Variants in AK1 observed in about 807,000 individuals in gnomAD.
AK1 encodes the protein adenylate kinase 1.
AK1 carries 13 observed loss-of-function variants against 23.9 expected under a neutral mutation model. The ratio of observed to expected loss-of-function variants is 0.54; its 90% CI spans 0.35 to 0.86. The LOEUF (loss-of-function observed/expected upper bound fraction) is 0.86. Ranked by LOEUF, AK1 falls within the 40% of genes least tolerant of loss-of-function variation. AK1 has a pLI of 0.01. For synonymous variants in AK1, 97 were observed against 102.8 expected, an observed-to-expected ratio of 0.94 and a Z score of 0.34; for missense variants, 214 against 255.1, an observed-to-expected ratio of 0.84 and a Z score of 1.10.
intron 5 of AK1, among the ~76,000 whole-genome samples, chr9:127,870,336 G>A (rs1829363404): frequency 6.6e-6 from 1 of 151,636 alleles, no homozygotes; most frequent in Non-Finnish European, 1.5e-5. Context: ...CTGAGTAGCT[G>A]GGATTACAGG....
In AK1 at chr9:127,868,107, C is replaced by T. The variant is rs374478683; in HGVS notation, c.517-31G>A. 2 of 1,612,204 alleles carry T rather than the reference C, an allele frequency of 1.2e-6. No individual in the cohort carries two copies. Among genetic ancestry groups the T allele is most frequent in the Non-Finnish European group, 1.7e-6 (2 of 1,178,370 alleles). On this transcript the variant is annotated intron_variant, in intron 6 of 6. Coordinates refer to ENST00000644144, the MANE Select transcript of AK1 (RefSeq NM_000476.3). This position sits in a 1 kb window ranked among gnomAD's most constrained non-coding sequence, Gnocchi z 4.1. The stretch of plus-strand genomic sequence containing the variant: ...GGGAGATGGGCCGTGAGGGCTGAGT[C>T]ACCAGGTGGAGTGGGGTGGGCCTCA...
At chr9:127,876,791 G>C (rs943882719) in intron 1 of AK1, among the ~76,000 whole-genome samples, 2 of 152,136 alleles carry the variant, frequency 1.3e-5, no homozygotes, top group Non-Finnish European at 2.9e-5. Flanking sequence ...GTTGGGTTAC[G>C]GGCTAAGCAC....
At position 127,867,953 on chromosome 9, in the gene AK1, C is replaced by T. The variant is rs907408724; in HGVS notation, c.*55G>A. On this transcript the variant is annotated 3_prime_UTR_variant, in exon 7 of 7. Transcript: ENST00000644144. ...CGCTGCGCTCAGGCCAGGAGGACCT[C>T]GAATCAGGACGGGGTGGGGCGGGGC... The T allele has an allele frequency of 6.3e-6, 10 of 1,579,102 alleles. No individual in the cohort carries two copies. The highest frequency in any genetic ancestry group is 8.7e-6 in the Non-Finnish European group (10 of 1,148,252).
At chr9:127,874,149 G>A in intron 2 of AK1, 2 of 985,440 alleles carry the variant, frequency 2.0e-6, no homozygotes, top group South Asian at 9.4e-5. Flanking sequence ...GCTGAGGGCG[G>A]GCCCGTTCTG....
intron 1 of AK1, chr9:127,874,914 G>T (rs996762518): frequency 4.1e-6 from 2 of 489,416 alleles, no homozygotes; most frequent in African/African-American, 3.9e-5. Flanking sequence ...CCATCCACCT[G>T]GGTTCCCGCT....
Position 127,877,205 on chromosome 9 carries a change from G to C in AK1, c.-33+418C>G, listed in dbSNP as rs1327452485. ...CAATGCACCCAGCACTAGAAGTGGA[G>C]TGACACGATAGCCCTACGGAGCACA... is the stretch of plus-strand genomic sequence containing the variant. On this transcript the variant is annotated intron_variant, in intron 1 of 6. Transcript: ENST00000644144. This position sits in a 1 kb window ranked among gnomAD's most constrained non-coding sequence, Gnocchi z 5.2. 2.6e-5 allele frequency among the ~76,000 whole-genome samples: 4 copies of C among 152,178 alleles called. No homozygotes were observed. The highest frequency in any genetic ancestry group is 9.7e-5 in the African/African-American group (4 of 41,440).
intron 2 of AK1, 166 bp downstream of exon 2, chr9:127,874,445 C>T (rs1829491419): frequency 1.2e-5 from 12 of 985,364 alleles, no homozygotes; most frequent in Non-Finnish European, 1.3e-5. Context: ...GCTGGCACAT[C>T]CCGTGAGAGG....
upstream of AK1, among the ~76,000 whole-genome samples, chr9:127,878,694 AGTGGTG>A (rs1829589555): frequency 6.6e-6 from 1 of 152,168 alleles, no homozygotes; most frequent in Admixed American, 6.5e-5. Context: ...GACCACCTTC[AGTGGTG>A]GTGCCTCAGC....
At chr9:127,873,117 G>A (rs1245299087) in intron 2 of AK1, 56 bp from the exon 3 acceptor site, 1 of 1,592,436 alleles carries the variant, frequency 6.3e-7, no homozygotes, top group Non-Finnish European at 8.5e-7. Context: ...CACAGCCAGA[G>A]GCACCTCTGG....
chr9:127,867,699 A>G lies in AK1; in HGVS notation c.*309T>C, dbSNP rs1382621033. 7 of 393,442 alleles carry G rather than the reference A, an allele frequency of 1.8e-5. No homozygotes were observed. The highest frequency in any genetic ancestry group is 2.9e-5 in the Non-Finnish European group (6 of 208,018). The allele number at this position is 393,442 out of a possible 1,614,324, so 24.4% of individuals were successfully genotyped here. A position where few individuals can be genotyped will look rare whatever the true frequency, so the allele number is the denominator to read the frequency against. On this transcript the variant is annotated 3_prime_UTR_variant, in exon 7 of 7. Coordinates refer to ENST00000644144, the MANE Select transcript of AK1 (RefSeq NM_000476.3). ...TGCGAGGAAGGGCCCCGGGCCTCCC[A>G]CCAGAGCTAGAGGAGGGGTGGCTGG...
intron 2 of AK1, chr9:127,873,408 T>C: frequency 6.3e-7 from 1 of 1,581,686 alleles, no homozygotes; most frequent in Non-Finnish European, 8.6e-7. Flanking sequence ...GGCTCTCAGA[T>C]CGTCTTCTCT....
chr9:127,875,269 A>AT (rs1829512241), intron 1 of AK1, among the ~76,000 whole-genome samples: 1 of 151,558 alleles, frequency 6.6e-6, no homozygotes, highest in African/African-American at 2.4e-5. Flanking sequence ...AGCCCCACGC[A>AT]TGTCCCCTGC....
At chr9:127,879,352 C>T (rs1283031676), upstream of AK1, among the ~76,000 whole-genome samples, 3 of 151,974 alleles carry the variant, frequency 2.0e-5, no homozygotes, top group East Asian at 1.9e-4. Flanking sequence ...AGGCTGGGCG[C>T]GGTGGCTCAC....
In AK1 at chr9:127,872,873, C is replaced by A. The variant is rs1241133951; in HGVS notation, c.44-20G>T. The A allele has an allele frequency of 1.2e-6, 2 of 1,613,966 alleles. No homozygotes were observed. Among genetic ancestry groups the A allele is most frequent in the Non-Finnish European group, 1.7e-6 (2 of 1,179,970 alleles). On this transcript the variant is annotated intron_variant, in intron 3 of 6. Coordinates refer to ENST00000644144, the MANE Select transcript of AK1 (RefSeq NM_000476.3). ...GCCCACCTGCAAACGCCCACCCATT[C>A]ATAAACCCCGAGACACAGGGTCCCA...
At position 127,877,099 on chromosome 9, in the gene AK1, G is replaced by A. The variant is rs954900839; in HGVS notation, c.-33+524C>T. 3.3e-5 allele frequency among the ~76,000 whole-genome samples: 5 copies of A among 152,154 alleles called. No homozygotes were observed. The highest frequency in any genetic ancestry group is 9.7e-5 in the African/African-American group (4 of 41,434). On this transcript the variant is annotated intron_variant, in intron 1 of 6. Transcript: ENST00000644144. The surrounding 1 kb of genome is among the most constrained non-coding windows in gnomAD (Gnocchi z 5.2). The stretch of plus-strand genomic sequence containing the variant: ...TGCTGAGGAGTACCAGGCGGCCACT[G>A]AGCAGTGCTGTGGGAAGGCCCCAAG...
chr9:127,872,848 GCCCACCT>G lies in AK1; in HGVS notation c.44-2_48del. 14 of 1,614,008 alleles carry G rather than the reference GCCCACCT, an allele frequency of 8.7e-6. No individual in the cohort carries two copies. The highest frequency in any genetic ancestry group is 1.1e-5 in the Non-Finnish European group (13 of 1,179,992). ...CACTGGGTGCCCTTCCCTGAGCCAG[GCCCACCT>G]GCAAACGCCCACCCATTCATAAACC... On this transcript the variant is annotated splice_acceptor_variant and coding_sequence_variant, in exon 4 of 7. Transcript: ENST00000644144. LOFTEE classifies it high-confidence loss of function.
At chr9:127,873,671 A>C (rs375706990) in intron 2 of AK1, 1 of 1,365,204 alleles carries the variant, frequency 7.3e-7, no homozygotes, top group East Asian at 2.7e-5. Context: ...CTGCTGTTAG[A>C]TCCCAGCAAG....
rs1248550031 is a variant in AK1 at position 127,872,020 on chromosome 9, C to A, written c.208-81G>T. 15 of 1,231,954 alleles carry A rather than the reference C, an allele frequency of 1.2e-5. No individual in the cohort carries two copies. The East Asian group carries it at 3.5e-4, about 29-fold the overall frequency. 76.3% of individuals were successfully genotyped at this position (1,231,954 alleles called of 1,614,324 possible). ...CCAGCCTCTGCTCACGCTGCTCCTG[C>A]CACCTGAAATGCCCTCTCCCCAACA... On this transcript the variant is annotated intron_variant, in intron 4 of 6. Coordinates refer to ENST00000644144, the MANE Select transcript of AK1 (RefSeq NM_000476.3).
Position 127,868,312 on chromosome 9 carries a change from G to T in AK1, c.516+9C>A. 1 of 1,569,766 alleles carries T rather than the reference G, an allele frequency of 6.4e-7. No individual in the cohort carries two copies. On this transcript the variant is annotated intron_variant, in intron 6 of 6. Coordinates refer to ENST00000644144, the MANE Select transcript of AK1 (RefSeq NM_000476.3). The surrounding 1 kb of genome is among the most constrained non-coding windows in gnomAD (Gnocchi z 4.1). ...TTCCCGGAGCTGCCCCTGGGCCCGC[G>T]GGGCCCACCTTGCGCACAATGCCAC...
Sources: gnomAD v4.1 joint callset for allele counts (sites outside exome capture counted in the v4.1 genomes callset) on GRCh38, gnomAD v4.1.1 for gene constraint, Gnocchi (gnomAD v3.1) non-coding constraint, MANE v1.5 for transcripts, NCBI Gene and HGNC (gene_info 2026-07-23, HGNC 2026-07-21) for gene names.